The following DPYD variants were observed in gnomAD, a reference collection of about 807,000 sequenced individuals.
The protein encoded by DPYD is dihydropyrimidine dehydrogenase.
A neutral mutation model predicts 116.2 loss-of-function variants in DPYD; 109 were observed. The ratio of observed to expected loss-of-function variants is 0.94; its 90% CI spans 0.80 to 1.10. The LOEUF (loss-of-function observed/expected upper bound fraction) is 1.10. Ranked by LOEUF, DPYD falls within the 50% of genes least tolerant of loss-of-function variation. DPYD has a pLI of 0.00. For missense variants in DPYD, 1,302 were observed against 1,254.5 expected, an observed-to-expected ratio of 1.04 and a Z score of -0.57; for synonymous variants, 440 against 432.0, an observed-to-expected ratio of 1.02 and a Z score of -0.23.
intron 3 of DPYD, among the ~76,000 whole-genome samples, chr1:97,793,683 G>A (rs1374017714): frequency 6.6e-6 from 1 of 151,870 alleles, no homozygotes; most frequent in Non-Finnish European, 1.5e-5. Context: ...AAAAAACTTT[G>A]ACCATAACTC....
At chr1:97,867,740 T>C (rs1054815541) in intron 2 of DPYD, among the ~76,000 whole-genome samples, 2 of 151,844 alleles carry the variant, frequency 1.3e-5, no homozygotes, top group African/African-American at 4.8e-5. Flanking sequence ...ATAAAAGCCA[T>C]GTATCACAAG....
chr1:97,472,727 T>C (rs1466095642), intron 13 of DPYD, among the ~76,000 whole-genome samples: 2 of 152,180 alleles, frequency 1.3e-5, no homozygotes, highest in Non-Finnish European at 2.9e-5. Flanking sequence ...TATAAAACCA[T>C]AACCTTTTCT....
At chr1:97,370,960 A>G (rs1671282828) in intron 16 of DPYD, among the ~76,000 whole-genome samples, 1 of 152,200 alleles carries the variant, frequency 6.6e-6, no homozygotes. Flanking sequence ...CATAAATTTC[A>G]TAAATAAATA....
intron 8 of DPYD, among the ~76,000 whole-genome samples, chr1:97,611,077 C>T (rs997437132): frequency 2.6e-5 from 4 of 151,898 alleles, no homozygotes; most frequent in Admixed American, 6.6e-5. Flanking sequence ...TAAAGACATA[C>T]AGGAGACAGG....
intron 14 of DPYD, among the ~76,000 whole-genome samples, chr1:97,384,924 A>G (rs1003177748): frequency 6.6e-6 from 1 of 152,158 alleles, no homozygotes; most frequent in African/African-American, 2.4e-5. Context: ...GAGAAGGAAA[A>G]TTAAGCATGC....
At chr1:97,776,558 C>T (rs764217463) in intron 3 of DPYD, among the ~76,000 whole-genome samples, 1 of 152,104 alleles carries the variant, frequency 6.6e-6, no homozygotes, top group African/African-American at 2.4e-5. Flanking sequence ...TTTCCCAAGA[C>T]GTTCTCTCTA....
At chr1:97,251,770 T>C (rs1464239882) in intron 18 of DPYD, among the ~76,000 whole-genome samples, 1 of 152,160 alleles carries the variant, frequency 6.6e-6, no homozygotes, top group East Asian at 1.9e-4. Flanking sequence ...ACTATACCTC[T>C]AAATCGTAAC....
rs138263044 is a variant in DPYD at position 97,118,873 on chromosome 1, G to A, written c.2623-20241C>T. Among the ~76,000 whole-genome samples, 652 of 152,166 alleles carry A rather than the reference G, an allele frequency of 4.3e-3. 5 individuals are homozygous for A. The highest frequency in any genetic ancestry group is 0.015 in the African/African-American group (617 of 41,520). ...ATAACTCACATTTTGGTGGTTTAGC[G>A]CATATCATCTGAGGATTGATGTTGA... is the stretch of plus-strand genomic sequence containing the variant. On this transcript the variant is annotated intron_variant, in intron 20 of 22. Coordinates refer to ENST00000370192, the MANE Select transcript of DPYD (RefSeq NM_000110.4).
chr1:97,277,498 A>G (rs1466235716), intron 18 of DPYD, among the ~76,000 whole-genome samples: 6 of 152,190 alleles, frequency 3.9e-5, no homozygotes, highest in Admixed American at 3.9e-4. Flanking sequence ...GCTGTTCTCC[A>G]GAGTTTACTT....
At chr1:97,532,737 A>AT (rs1649719399) in intron 12 of DPYD, among the ~76,000 whole-genome samples, 1 of 146,566 alleles carries the variant, frequency 6.8e-6, no homozygotes, top group African/African-American at 2.6e-5. Context: ...TTCCGATTTT[A>AT]TTTTTGAATA....
intron 2 of DPYD, chr1:97,856,473 A>G (rs1449770890): frequency 6.6e-6 from 1 of 152,256 alleles, no homozygotes; most frequent in Non-Finnish European, 1.5e-5. Context: ...AAATACTCAA[A>G]TAACAGGTTG....
At chr1:97,629,585 C>A (rs1419072282) in intron 8 of DPYD, among the ~76,000 whole-genome samples, 1 of 151,950 alleles carries the variant, frequency 6.6e-6, no homozygotes, top group Non-Finnish European at 1.5e-5. Flanking sequence ...ATACAGCCAA[C>A]ATAACTGACA....
At chr1:97,687,203 A>T (rs569287370) in intron 7 of DPYD, among the ~76,000 whole-genome samples, 2 of 152,192 alleles carry the variant, frequency 1.3e-5, no homozygotes, top group East Asian at 3.9e-4. Context: ...CCCAGGAGGT[A>T]GAGGTTGAAG....
intron 19 of DPYD, among the ~76,000 whole-genome samples, chr1:97,225,054 T>TATC (rs1661042941): frequency 6.8e-6 from 1 of 148,024 alleles, no homozygotes; most frequent in Non-Finnish European, 1.5e-5. Flanking sequence ...TCTATCTATC[T>TATC]ATCTGTCTAT....
intron 13 of DPYD, among the ~76,000 whole-genome samples, chr1:97,502,541 T>A (rs759766150): frequency 6.6e-6 from 1 of 152,000 alleles, no homozygotes; most frequent in Non-Finnish European, 1.5e-5. Context: ...TTGAAATGTT[T>A]TAAGCAAACA....
In DPYD at chr1:97,373,553, G is replaced by T. The variant is rs1487828418; in HGVS notation, c.2058+8C>A. On this transcript the variant is annotated splice_region_variant and intron_variant, in intron 16 of 22. Transcript: ENST00000370192. Reference sequence around the variant, plus strand: ...GACATACTTAGTGGCAGCTGTCAAGGTCCTTACCTGCCCACAGGCCAGGCC... The same window carrying T: ...GACATACTTAGTGGCAGCTGTCAAGTTCCTTACCTGCCCACAGGCCAGGCC... 6.2e-7 allele frequency: 1 copy of T among 1,613,160 alleles called. No homozygotes were observed. Among genetic ancestry groups the T allele is most frequent in the South Asian group, 1.1e-5 (1 of 91,052 alleles).
intron 17 of DPYD, 26 bp downstream of exon 17, chr1:97,306,151 G>A: frequency 6.2e-7 from 1 of 1,611,712 alleles, no homozygotes; most frequent in Non-Finnish European, 8.5e-7. Context: ...ACAATAGCGG[G>A]CAACTGATTC....
intron 20 of DPYD, among the ~76,000 whole-genome samples, chr1:97,098,922 C>T (rs1478442616): frequency 6.6e-6 from 1 of 151,990 alleles, no homozygotes; most frequent in Non-Finnish European, 1.5e-5. Flanking sequence ...TTCACAATGG[C>T]AAACCAAACC....
intron 10 of DPYD, among the ~76,000 whole-genome samples, chr1:97,591,901 A>C (rs577555725): frequency 1.3e-5 from 2 of 152,254 alleles, no homozygotes; most frequent in East Asian, 1.9e-4. Context: ...AGGAAAAAAA[A>C]AAAAGAAACC....
Sources: allele counts gnomAD v4.1 joint callset (sites outside exome capture counted in the v4.1 genomes callset), GRCh38; gene constraint gnomAD v4.1.1; transcripts MANE v1.5; gene names NCBI Gene and HGNC (gene_info 2026-07-23, HGNC 2026-07-21).